Variants in NDUFB6 observed in about 807,000 individuals in gnomAD.
NDUFB6 encodes the protein NADH dehydrogenase [ubiquinone] 1 beta subcomplex subunit 6.
Under a neutral mutation model 17.5 loss-of-function variants are expected in NDUFB6, and 23 were observed. The ratio of observed to expected loss-of-function variants is 1.31; its 90% CI spans 0.94 to 1.86. The LOEUF (loss-of-function observed/expected upper bound fraction) is 1.86, where lower values mean the gene tolerates loss of function less well. NDUFB6 is among the 40% of genes most tolerant of loss of function. The pLI is 0.00. For synonymous variants in NDUFB6, 60 were observed against 53.5 expected (o/e 1.12, Z -0.53); for missense variants, 167 against 153.8 (o/e 1.09, Z -0.46).
At chr9:32,565,210 T>C (rs540535452) in intron 2 of NDUFB6, among the ~76,000 whole-genome samples, 2 of 151,646 alleles carry the variant, frequency 1.3e-5, no homozygotes, top group South Asian at 4.2e-4. Context: ...GGAGAATCAC[T>C]TGAACCCAGG....
chr9:32,568,660 A>C (rs1224211573), intron 2 of NDUFB6: 1 of 164,812 alleles, frequency 6.1e-6, no homozygotes, highest in Non-Finnish European at 1.4e-5. Context: ...ATATATATGT[A>C]TATATGTACA....
intron 2 of NDUFB6, among the ~76,000 whole-genome samples, chr9:32,570,106 A>G (rs976796597): frequency 6.6e-6 from 1 of 152,094 alleles, no homozygotes; most frequent in African/African-American, 2.4e-5. Context: ...GCCTCACCTC[A>G]TTCAGGTTCT....
chr9:32,570,996 G>C lies in NDUFB6; in HGVS notation c.237C>G (p.Val79=). 1 of 1,604,620 alleles carries C rather than the reference G, an allele frequency of 6.2e-7. No individual in the cohort carries two copies. Among genetic ancestry groups the C allele is most frequent in the Non-Finnish European group, 8.5e-7 (1 of 1,174,362 alleles). The change falls in exon 2 of 4, where the codon GTC becomes GTG. Residue 79 remains valine (V), a synonymous_variant. Transcript: ENST00000379847. ...ACTTCATGTAATAATGAATAATCCA[G>C]ACAGGTACAAGTACATGAGTGAAAA... The part of the protein sequence containing the change: ...IFVFTHVLVP[V]WIIHYYMKYH...
chr9:32,563,491 C>CTTTTTT (rs111646430), intron 2 of NDUFB6, among the ~76,000 whole-genome samples: 2 of 92,002 alleles, frequency 2.2e-5, no homozygotes, highest in Non-Finnish European at 4.4e-5. Context: ...GACTATTGGG[C>CTTTTTT]TTTTTTTTTT....
chr9:32,555,507 G>A (rs1331105244), intron 3 of NDUFB6, among the ~76,000 whole-genome samples: 1 of 152,222 alleles, frequency 6.6e-6, no homozygotes, highest in Non-Finnish European at 1.5e-5. Context: ...GCTGGTAACT[G>A]TGTATAGGAA....
At chr9:32,569,165 A>G (rs1821887076) in intron 2 of NDUFB6, among the ~76,000 whole-genome samples, 1 of 152,192 alleles carries the variant, frequency 6.6e-6, no homozygotes, top group South Asian at 2.1e-4. Flanking sequence ...AAGATCATAC[A>G]TAGTCACTAA....
intron 3 of NDUFB6, among the ~76,000 whole-genome samples, chr9:32,557,282 A>G (rs1293502669): frequency 1.4e-5 from 2 of 148,118 alleles, no homozygotes; most frequent in Non-Finnish European, 3.0e-5. Context: ...CTTGTGCCTC[A>G]GCCTCCAGGT....
At chr9:32,558,055 C>T (rs757624251) in intron 3 of NDUFB6, among the ~76,000 whole-genome samples, 2 of 152,156 alleles carry the variant, frequency 1.3e-5, no homozygotes, top group Non-Finnish European at 2.9e-5. Context: ...TACTGAGTCA[C>T]CTTTTAATGC....
At chr9:32,557,182 C>T (rs1384652307) in intron 3 of NDUFB6, among the ~76,000 whole-genome samples, 4 of 128,362 alleles carry the variant, frequency 3.1e-5, no homozygotes, top group African/African-American at 9.2e-5. Flanking sequence ...TTTTTTTTCC[C>T]GAGACAGAGT....
chr9:32,571,230 G>A (rs1211914320), intron 1 of NDUFB6, among the ~76,000 whole-genome samples, 178 bp from the exon 2 acceptor site: 1 of 152,204 alleles, frequency 6.6e-6, no homozygotes, highest in Non-Finnish European at 1.5e-5. Flanking sequence ...TAAATGCAGA[G>A]TCTGCTAGAA....
chr9:32,566,674 G>A (rs546092744), intron 2 of NDUFB6: 12 of 816,184 alleles, frequency 1.5e-5, no homozygotes, highest in East Asian at 2.4e-5. Context: ...CTCCGGATCC[G>A]GCTTTCACAG....
rs577078165 is a variant in NDUFB6, at chr9:32,573,156, G to A, written c.-96C>T. ...CCCGCTCTGCAAAGCGACCTTGCGGGAACGCCGAGCGCCGCGCGCGGTTAT... is the reference window on the plus strand; with the variant it reads ...CCCGCTCTGCAAAGCGACCTTGCGGAAACGCCGAGCGCCGCGCGCGGTTAT... On this transcript the variant is annotated 5_prime_UTR_variant, in exon 1 of 4. Coordinates refer to ENST00000379847, the MANE Select transcript of NDUFB6 (RefSeq NM_002493.5). The A allele has an allele frequency of 3.0e-6, 4 of 1,324,982 alleles. No individual in the cohort carries two copies. The highest frequency in any genetic ancestry group is 5.4e-5 in the East Asian group (2 of 36,926). The allele number at this position is 1,324,982 out of a possible 1,614,324, so 82.1% of individuals were successfully genotyped here. A position where few individuals can be genotyped will look rare whatever the true frequency, so the allele number is the denominator to read the frequency against.
rs532644549 is a variant in NDUFB6, at chr9:32,571,306, T to C, written c.181-254A>G. Among the ~76,000 whole-genome samples, 13 of 152,334 alleles carry C rather than the reference T, an allele frequency of 8.5e-5. No homozygotes were observed. The East Asian group carries it at 2.3e-3, about 27-fold the overall frequency. On this transcript the variant is annotated intron_variant, in intron 1 of 3. Transcript: ENST00000379847. ...TTGCAAGACTATAACAAGGCATTTA[T>C]AGATTTTTTAAAGACTTCCAAAAAT...
chr9:32,573,099 C>G lies in NDUFB6; in HGVS notation c.-39G>C. On this transcript the variant is annotated 5_prime_UTR_variant, in exon 1 of 4. Coordinates refer to ENST00000379847, the MANE Select transcript of NDUFB6 (RefSeq NM_002493.5). ...CCAACGCAAAAGGACACGGCGCACC[C>G]TCGAACTACGGACTAGTTACTTAAG... 1 of 1,491,996 alleles carries G rather than the reference C, an allele frequency of 6.7e-7. No homozygotes were observed. The highest frequency in any genetic ancestry group is 8.9e-7 in the Non-Finnish European group (1 of 1,119,252). 92.4% of individuals were successfully genotyped at this position (1,491,996 alleles called of 1,614,324 possible).
chr9:32,564,892 T>C (rs1476117722), intron 2 of NDUFB6, among the ~76,000 whole-genome samples: 1 of 152,224 alleles, frequency 6.6e-6, no homozygotes, highest in East Asian at 1.9e-4. Flanking sequence ...AAATTAACGA[T>C]CGCTCACCAT....
intron 2 of NDUFB6, chr9:32,566,070 CAA>C (rs60006624): frequency 0.059 from 19,545 of 333,382 alleles, no homozygotes; most frequent in Middle Eastern, 0.098. Context: ...CTGGAGTGAC[CAA>C]AAAAAAAAAA....
At chr9:32,563,382 G>C (rs1436563468) in intron 2 of NDUFB6, among the ~76,000 whole-genome samples, 1 of 151,448 alleles carries the variant, frequency 6.6e-6, no homozygotes, top group African/African-American at 2.4e-5. Flanking sequence ...ATGTCACCCA[G>C]GATGGCTGGA....
rs901217416 is a variant in NDUFB6, at chr9:32,553,091, C to T, written c.*785G>A. On this transcript the variant is annotated 3_prime_UTR_variant, in exon 4 of 4. Coordinates refer to ENST00000379847, the MANE Select transcript of NDUFB6 (RefSeq NM_002493.5). The stretch of plus-strand genomic sequence containing the variant: ...TAGAGATTTTAGTATTTTACATTCT[C>T]ATGACAAAATTAACAGCAACCTAAA... 2.0e-6 allele frequency: 1 copy of T among 506,276 alleles called. No homozygotes were observed. Among genetic ancestry groups the T allele is most frequent in the Non-Finnish European group, 3.5e-6 (1 of 286,654 alleles). The allele number at this position is 506,276 out of a possible 1,614,324, so 31.4% of individuals were successfully genotyped here. A position where few individuals can be genotyped will look rare whatever the true frequency, so the allele number is the denominator to read the frequency against.
chr9:32,566,266 G>A (rs1821787030), intron 2 of NDUFB6: 5 of 1,116,348 alleles, frequency 4.5e-6, no homozygotes, highest in Non-Finnish European at 5.5e-6. Flanking sequence ...ACTAATTTTA[G>A]GTTCTCTGAG....
Sources: allele counts gnomAD v4.1 joint callset (sites outside exome capture counted in the v4.1 genomes callset), GRCh38; gene constraint gnomAD v4.1.1; transcripts MANE v1.5; gene names NCBI Gene and HGNC (gene_info 2026-07-23, HGNC 2026-07-21).